SHISA9: variants seen among roughly 807,000 people sequenced by gnomAD.
SHISA9 encodes protein shisa-9.
In SHISA9, 13 loss-of-function variants were observed where a neutral mutation model predicts 38.0. The ratio of observed to expected loss-of-function variants is 0.34; its 90% CI spans 0.22 to 0.54. The LOEUF (loss-of-function observed/expected upper bound fraction) is 0.54. SHISA9 is among the 20% of genes least tolerant of loss of function. The pLI, the probability that SHISA9 is intolerant of heterozygous loss-of-function variation, is 0.91. For synonymous variants in SHISA9, 275 were observed against 242.0 expected, an observed-to-expected ratio of 1.14 and a Z score of -1.27; for missense variants, 538 against 575.8, an observed-to-expected ratio of 0.93 and a Z score of 0.67.
chr16:13,555,261 C>T, the SHISA9 span, among the ~76,000 whole-genome samples: 55,801 of 151,920 alleles, frequency 0.37, 10,450 homozygotes, highest in Middle Eastern at 0.46. Flanking sequence ...CCTGAAATAA[C>T]CTACCTGTAC....
the SHISA9 span, among the ~76,000 whole-genome samples, chr16:13,373,281 T>C: frequency 1.4e-4 from 21 of 152,242 alleles, no homozygotes; most frequent in African/African-American, 4.1e-4. Flanking sequence ...TAGCTCCTTG[T>C]TGCAAACACT....
chr16:13,084,437 G>C (rs1476758018), intron 2 of SHISA9, among the ~76,000 whole-genome samples: 1 of 152,196 alleles, frequency 6.6e-6, no homozygotes, highest in African/African-American at 2.4e-5. Flanking sequence ...AGAGGCTTGT[G>C]GGAAAATGCA....
chr16:13,457,981 C>T, the SHISA9 span, among the ~76,000 whole-genome samples: 1 of 151,568 alleles, frequency 6.6e-6, no homozygotes, highest in Non-Finnish European at 1.5e-5. Flanking sequence ...CCCTTCCTTC[C>T]TTCCTTTCTT....
At chr16:13,474,645 CTG>C in the SHISA9 span, among the ~76,000 whole-genome samples, 2 of 152,282 alleles carry the variant, frequency 1.3e-5, no homozygotes, top group African/African-American at 4.8e-5. Flanking sequence ...AAATAGAAGA[CTG>C]TGAACAAATC....
At chr16:12,956,859 T>G (rs538203424) in intron 2 of SHISA9, among the ~76,000 whole-genome samples, 3 of 152,086 alleles carry the variant, frequency 2.0e-5, no homozygotes, top group Non-Finnish European at 4.4e-5. Flanking sequence ...AAATCTAAAG[T>G]TAAAAAAATG....
At chr16:13,523,550 C>T in the SHISA9 span, among the ~76,000 whole-genome samples, 2 of 152,074 alleles carry the variant, frequency 1.3e-5, no homozygotes, top group African/African-American at 4.8e-5. Flanking sequence ...CCTCAGGAAA[C>T]TTACAAACGT....
At chr16:13,140,316 A>G (rs937393927) in intron 2 of SHISA9, among the ~76,000 whole-genome samples, 1 of 151,854 alleles carries the variant, frequency 6.6e-6, no homozygotes, top group African/African-American at 2.4e-5. Flanking sequence ...AGCTAGGGTC[A>G]CAGGTGCCCA....
At chr16:13,349,876 C>T in the SHISA9 span, among the ~76,000 whole-genome samples, 20 of 152,212 alleles carry the variant, frequency 1.3e-4, no homozygotes, top group South Asian at 4.1e-3. Context: ...GCAAAAAGAC[C>T]AAGGTCTTTA....
chr16:13,398,712 A>G, the SHISA9 span, among the ~76,000 whole-genome samples: 2 of 151,972 alleles, frequency 1.3e-5, no homozygotes, highest in African/African-American at 4.8e-5. Context: ...GAGTTTCACC[A>G]CATTGGCCAG....
intron 2 of SHISA9, among the ~76,000 whole-genome samples, chr16:13,168,254 A>C (rs2050655142): frequency 1.3e-5 from 2 of 152,238 alleles, no homozygotes; most frequent in Admixed American, 1.3e-4. Context: ...GATTTAGCTC[A>C]GTTAGACAAG....
chr16:13,334,794 A>G, the SHISA9 span, among the ~76,000 whole-genome samples: 1 of 151,250 alleles, frequency 6.6e-6, no homozygotes, highest in East Asian at 1.9e-4. Flanking sequence ...AAAAAAAAGA[A>G]TAAATGAACT....
At chr16:12,906,021 G>A (rs978963670) in intron 1 of SHISA9, among the ~76,000 whole-genome samples, 3 of 152,244 alleles carry the variant, frequency 2.0e-5, no homozygotes, top group Non-Finnish European at 2.9e-5. Flanking sequence ...TGGAGTCCCA[G>A]CTATGGCAAC....
chr16:13,439,804 A>G, the SHISA9 span, among the ~76,000 whole-genome samples: 1 of 152,184 alleles, frequency 6.6e-6, no homozygotes, highest in Non-Finnish European at 1.5e-5. Flanking sequence ...TTCGTGAGAA[A>G]TGAGGACTTG....
chr16:12,992,147 A>G (rs1193294569), intron 2 of SHISA9, among the ~76,000 whole-genome samples: 1 of 152,164 alleles, frequency 6.6e-6, no homozygotes, highest in Non-Finnish European at 1.5e-5. Context: ...TTTGATGATA[A>G]GTTTAACGCT....
the SHISA9 span, among the ~76,000 whole-genome samples, chr16:13,528,305 C>G: frequency 6.6e-6 from 1 of 152,140 alleles, no homozygotes; most frequent in Admixed American, 6.5e-5. Flanking sequence ...TTCCACACTT[C>G]TGACTCCCTG....
In SHISA9 at chr16:12,911,251, T is replaced by C. The variant is rs574510197; in HGVS notation, c.564-5437T>C. 1.5e-5 allele frequency: 15 copies of C among 985,032 alleles called. No homozygotes were observed. The East Asian group carries it at 1.2e-3, about 82-fold the overall frequency. The allele number at this position is 985,032 out of a possible 1,614,324, so 61.0% of individuals were successfully genotyped here. A position where few individuals can be genotyped will look rare whatever the true frequency, so the allele number is the denominator to read the frequency against. ...TAACAAGATCCCCAGGTGATCTGGA[T>C]GCACCGTAACATCTGAGAAGCACTC... On this transcript the variant is annotated intron_variant, in intron 1 of 4. Coordinates refer to ENST00000558583, the MANE Select transcript of SHISA9 (RefSeq NM_001145204.3).
the SHISA9 span, among the ~76,000 whole-genome samples, chr16:13,538,166 T>C: frequency 6.6e-6 from 1 of 152,136 alleles, no homozygotes; most frequent in Non-Finnish European, 1.5e-5. Flanking sequence ...TTTACTGGGG[T>C]GGCTTTAGCA....
At chr16:13,065,227 C>T (rs567344327) in intron 2 of SHISA9, among the ~76,000 whole-genome samples, 4 of 152,242 alleles carry the variant, frequency 2.6e-5, no homozygotes, top group African/African-American at 9.6e-5. Flanking sequence ...ACTTTATTGC[C>T]ACTGACCTTC....
the SHISA9 span, among the ~76,000 whole-genome samples, chr16:13,483,069 T>A: frequency 2.0e-5 from 3 of 152,152 alleles, no homozygotes. Context: ...TGAGGGGTGG[T>A]GGTGGTTCAC....
Sources: gnomAD v4.1 joint callset for allele counts (sites outside exome capture counted in the v4.1 genomes callset) on GRCh38, gnomAD v4.1.1 for gene constraint, MANE v1.5 for transcripts, NCBI Gene and HGNC (gene_info 2026-07-23, HGNC 2026-07-21) for gene names.